TSPAN15: variants seen among roughly 807,000 people sequenced by gnomAD.
TSPAN15 encodes tetraspanin 15.
Under a neutral mutation model 34.5 loss-of-function variants are expected in TSPAN15, and 20 were observed. The ratio of observed to expected loss-of-function variants is 0.58; its 90% CI spans 0.41 to 0.84. The LOEUF (loss-of-function observed/expected upper bound fraction) is 0.84, where lower values mean the gene tolerates loss of function less well. TSPAN15 is among the 40% of genes least tolerant of loss of function. The pLI, the probability that TSPAN15 is intolerant of heterozygous loss-of-function variation, is 0.00. For synonymous variants in TSPAN15, 155 were observed against 153.9 expected (o/e 1.01, Z -0.05); for missense variants, 313 against 386.1 (o/e 0.81, Z 1.59).
At chr10:69,485,056 G>T (rs1841821579) in intron 2 of TSPAN15, 85 bp from the exon 3 acceptor site, 9 of 1,293,384 alleles carry the variant, frequency 7.0e-6, no homozygotes. Context: ...CTTTGTGCTT[G>T]CTCTTGGAGC....
rs1842132853 is a variant in TSPAN15 at position 69,498,375 on chromosome 10, C to CGTG, written c.549_550insGTG (p.Tyr183_Thr184insVal). On this transcript the variant is annotated inframe_insertion, in exon 5 of 8. Transcript: ENST00000373290. Reference sequence around the variant, plus strand: ...GACCCCTGGCCTGTGGGGTGCCCTACACCTGCTGCATCAGGAACACGGTAG... The same window carrying CGTG: ...GACCCCTGGCCTGTGGGGTGCCCTACGTGACCTGCTGCATCAGGAACACGGTAG... 1.2e-6 allele frequency: 2 copies of CGTG among 1,613,876 alleles called. No individual in the cohort carries two copies. The highest frequency in any genetic ancestry group is 1.7e-6 in the Non-Finnish European group (2 of 1,179,966).
chr10:69,461,933 C>G (rs1418760029), intron 1 of TSPAN15, among the ~76,000 whole-genome samples: 5 of 150,710 alleles, frequency 3.3e-5, no homozygotes, highest in East Asian at 2.0e-4. Flanking sequence ...CCACCCCCCC[C>G]ATCACCAGAG....
At chr10:69,520,955 C>A in the TSPAN15 span, among the ~76,000 whole-genome samples, 1 of 150,986 alleles carries the variant, frequency 6.6e-6, no homozygotes, top group African/African-American at 2.4e-5. Flanking sequence ...CCTAAGAATT[C>A]CAGTTTCTCC....
rs115381277 is a variant in TSPAN15 at position 69,502,098 on chromosome 10, T to C, written c.571-2340T>C. On this transcript the variant is annotated intron_variant, in intron 5 of 7. Transcript: ENST00000373290. Reference sequence around the variant, plus strand: ...AACCAAAAGGAAAAGGGAGACATGGTCTGTTACATTGTTACTGTTCAGCAG... The same window carrying C: ...AACCAAAAGGAAAAGGGAGACATGGCCTGTTACATTGTTACTGTTCAGCAG... Among the ~76,000 whole-genome samples the C allele has an allele frequency of 5.6e-3, 854 of 151,852 alleles. 9 individuals are homozygous for C. Among genetic ancestry groups the C allele is most frequent in the African/African-American group, 0.02 (829 of 41,340 alleles).
chr10:69,453,946 G>T (rs1383827297), intron 1 of TSPAN15, among the ~76,000 whole-genome samples: 1 of 152,240 alleles, frequency 6.6e-6, no homozygotes, highest in Non-Finnish European at 1.5e-5. Flanking sequence ...TGCCAACTCT[G>T]CCAGAGCAGC....
chr10:69,487,911 T>G (rs7917495), intron 3 of TSPAN15, among the ~76,000 whole-genome samples: 57,278 of 152,098 alleles, frequency 0.38, 11,480 homozygotes, highest in Non-Finnish European at 0.44. Context: ...CCCTCATGGG[T>G]AGGGCCTTGG....
chr10:69,501,978 C>T (rs752838157), intron 5 of TSPAN15, among the ~76,000 whole-genome samples: 2 of 151,292 alleles, frequency 1.3e-5, no homozygotes, highest in African/African-American at 4.9e-5. Flanking sequence ...TCACCCCCCA[C>T]CCCCCCGCAC....
chr10:69,549,172 C>G, the TSPAN15 span, among the ~76,000 whole-genome samples: 1 of 152,132 alleles, frequency 6.6e-6, no homozygotes, highest in East Asian at 1.9e-4. Context: ...GATGCTAAAG[C>G]AACTCCATCT....
At chr10:69,487,889 T>C (rs886966018) in intron 3 of TSPAN15, among the ~76,000 whole-genome samples, 1 of 152,178 alleles carries the variant, frequency 6.6e-6, no homozygotes, top group African/African-American at 2.4e-5. Context: ...CTCCTTCCCC[T>C]TGGGTGGTGT....
chr10:69,523,480 C>T, the TSPAN15 span: 1 of 532,014 alleles, frequency 1.9e-6, no homozygotes, highest in South Asian at 1.6e-5. Context: ...AGAGGGCACC[C>T]CTAACAGGGC....
chr10:69,546,641 C>G, the TSPAN15 span, among the ~76,000 whole-genome samples: 1 of 152,170 alleles, frequency 6.6e-6, no homozygotes, highest in African/African-American at 2.4e-5. Flanking sequence ...CTCTCCTGCC[C>G]CATTGTTTTT....
chr10:69,539,403 G>GGAA, the TSPAN15 span, among the ~76,000 whole-genome samples: 51 of 80,948 alleles, frequency 6.3e-4, no homozygotes, highest in African/African-American at 1.8e-3. Context: ...AGGAAGAAGA[G>GGAA]GAAGAGGAAG....
At chr10:69,460,561 C>T (rs191315916) in intron 1 of TSPAN15, among the ~76,000 whole-genome samples, 47 of 151,966 alleles carry the variant, frequency 3.1e-4, no homozygotes, top group African/African-American at 9.6e-4. Context: ...ACCACATGCA[C>T]GCCCAAGGGG....
the TSPAN15 span, among the ~76,000 whole-genome samples, chr10:69,524,727 GA>G: frequency 7.0e-6 from 1 of 143,346 alleles, no homozygotes; most frequent in Non-Finnish European, 1.5e-5. Flanking sequence ...AAAAAAAATA[GA>G]CAAGGAAATT....
In TSPAN15 at chr10:69,494,546, G is replaced by A. The variant is rs571129420; in HGVS notation, c.358-1048G>A. 11 of 729,816 alleles carry A rather than the reference G, an allele frequency of 1.5e-5. No homozygotes were observed. In the South Asian group the frequency reaches 1.8e-4, roughly 12 times the overall value. The allele number at this position is 729,816 out of a possible 1,614,324, so 45.2% of individuals were successfully genotyped here. The stretch of plus-strand genomic sequence containing the variant: ...GTGTCCTTGATTATGAGGCTTGACA[G>A]CCCCTCTGAGACTTGGTTTTTGATT... On this transcript the variant is annotated intron_variant, in intron 3 of 7. Coordinates refer to ENST00000373290, the MANE Select transcript of TSPAN15 (RefSeq NM_012339.5).
the TSPAN15 span, among the ~76,000 whole-genome samples, chr10:69,532,475 G>A: frequency 3.3e-5 from 5 of 152,136 alleles, no homozygotes; most frequent in East Asian, 5.8e-4. Context: ...TTGGCAAGCC[G>A]CATGTAGGAG....
the TSPAN15 span, among the ~76,000 whole-genome samples, chr10:69,549,138 A>T: frequency 2.6e-5 from 4 of 152,088 alleles, no homozygotes; most frequent in African/African-American, 9.7e-5. Flanking sequence ...AGAATTAGAA[A>T]TATGTTACCC....
intron 5 of TSPAN15, among the ~76,000 whole-genome samples, chr10:69,500,886 C>T (rs1364078553): frequency 6.6e-6 from 1 of 152,134 alleles, no homozygotes; most frequent in Non-Finnish European, 1.5e-5. Context: ...CTAAGGGCTC[C>T]CCACAGCATC....
the TSPAN15 span, among the ~76,000 whole-genome samples, chr10:69,544,697 CTG>C: frequency 6.6e-6 from 1 of 152,172 alleles, no homozygotes; most frequent in Non-Finnish European, 1.5e-5. Flanking sequence ...GACCTACTTT[CTG>C]TGAGTTGTGG....
Sources: allele counts gnomAD v4.1 joint callset (sites outside exome capture counted in the v4.1 genomes callset), GRCh38; gene constraint gnomAD v4.1.1; transcripts MANE v1.5; gene names NCBI Gene and HGNC (gene_info 2026-07-23, HGNC 2026-07-21).